HTT: variants seen among roughly 807,000 people sequenced by gnomAD.
The protein encoded by HTT is huntington disease protein.
In HTT, 104 loss-of-function variants were observed where a neutral mutation model predicts 362.3. The observed-to-expected ratio is 0.29, with a 90% CI of 0.24 to 0.34. HTT has a LOEUF of 0.34. Among genes scored for constraint, HTT ranks in the 10% least tolerant of loss-of-function variants. HTT has a pLI of 1.00. For synonymous variants in HTT, 1,577 were observed against 1,548.7 expected, an observed-to-expected ratio of 1.02 and a Z score of -0.43; for missense variants, 3,301 against 3,928.6, an observed-to-expected ratio of 0.84 and a Z score of 4.27.
In HTT at chr4:3,116,254, G is replaced by T. The variant is rs1255436861; in HGVS notation, c.1059G>T (p.Gln353His). 3.7e-6 allele frequency: 6 copies of T among 1,610,158 alleles called. No individual in the cohort carries two copies. Among genetic ancestry groups the T allele is most frequent in the Non-Finnish European group, 5.1e-6 (6 of 1,176,574 alleles). Residue 353 changes from glutamine to histidine, a missense_variant, in exon 8 of 67, where the codon CAG (glutamine) becomes CAT (histidine). This residue lies in a region of HTT where 2,316 missense variants were observed against 2,658.5 expected (regional missense o/e 0.87). Coordinates refer to ENST00000355072, the MANE Select transcript of HTT (RefSeq NM_001388492.1). ...TGGAAGTCTCTCCTTCTGCAGAGCA[G>T]CTTGTCCAGGTAGGAGCACAGGGTT... Reference protein sequence around the residue: ...KEMEVSPSAEQLVQVYELTLH... With the variant: ...KEMEVSPSAEHLVQVYELTLH...
At chr4:3,159,450 T>A (rs983042460) in intron 28 of HTT, among the ~76,000 whole-genome samples, 5 of 152,218 alleles carry the variant, frequency 3.3e-5, no homozygotes, top group African/African-American at 1.2e-4. Context: ...TCACATGACA[T>A]CACCACATCA....
In HTT at chr4:3,123,069, A is replaced by G. The variant is rs60340572; in HGVS notation, c.1321+133A>G. The G allele has an allele frequency of 4.3e-3, 2,348 of 548,124 alleles. 48 individuals are homozygous for G. The highest frequency in any genetic ancestry group is 0.04 in the African/African-American group (2,097 of 51,846). 34.0% of individuals were successfully genotyped at this position (548,124 alleles called of 1,614,324 possible). Reference sequence around the variant, plus strand: ...TATATCTCTTCTCAGATGAGTGATTATATGTGTGAATGTTGCTGGAATCTG... The same window carrying G: ...TATATCTCTTCTCAGATGAGTGATTGTATGTGTGAATGTTGCTGGAATCTG... On this transcript the variant is annotated intron_variant, in intron 10 of 66. Transcript: ENST00000355072.
intron 5 of HTT, 129 bp from the exon 6 acceptor site, chr4:3,107,156 C>G: frequency 1.2e-6 from 1 of 837,540 alleles, no homozygotes; most frequent in Non-Finnish European, 1.9e-6. Context: ...GTTCTTTCAG[C>G]TGAGTTTTCC....
intron 35 of HTT, among the ~76,000 whole-genome samples, chr4:3,179,922 A>T (rs1001776480): frequency 1.5e-4 from 22 of 151,144 alleles, no homozygotes; most frequent in Admixed American, 2.6e-4. Context: ...TGCTCATGAC[A>T]TTGAGGGTCA....
rs1213151280 is a variant in HTT, at chr4:3,218,834, C to T, written c.7242+882C>T. 2.0e-5 allele frequency among the ~76,000 whole-genome samples: 3 copies of T among 152,070 alleles called. No homozygotes were observed. The highest frequency in any genetic ancestry group is 4.4e-5 in the Non-Finnish European group (3 of 68,022). The stretch of plus-strand genomic sequence containing the variant: ...GCATCCTCAGGCAGGAAAGAAAGGC[C>T]GACCTGGCAGGGTGTGAGCCAGCAG... On this transcript the variant is annotated intron_variant, in intron 52 of 66. Coordinates refer to ENST00000355072, the MANE Select transcript of HTT (RefSeq NM_001388492.1). This position sits in a 1 kb window ranked among gnomAD's most constrained non-coding sequence, Gnocchi z 4.4.
rs529932015 is a variant in HTT, at chr4:3,175,030, T to C, written c.4330T>C (p.Leu1444=). Residue 1444 remains leucine, a synonymous_variant, in exon 33 of 67, where the codon TTA becomes CTA. Transcript: ENST00000355072. The part of the protein sequence containing the change: ...KQYTTTTCVQ[L]QKQVLDLLAQ... The stretch of plus-strand genomic sequence containing the variant: ...GTACACGACTACAACATGTGTGCAG[T>C]TACAGAAGCAGGTTTTAGATTTGCT... 1 of 1,614,028 alleles carries C rather than the reference T, an allele frequency of 6.2e-7. No homozygotes were observed. The highest frequency in any genetic ancestry group is 1.3e-5 in the African/African-American group (1 of 75,072).
At chr4:3,162,177 G>A (rs947774454) in intron 29 of HTT, among the ~76,000 whole-genome samples, 1 of 152,146 alleles carries the variant, frequency 6.6e-6, no homozygotes, top group South Asian at 2.1e-4. Flanking sequence ...TATTAAATAG[G>A]GAATCTTTTC....
At chr4:3,150,851 A>G (rs537909152) in intron 26 of HTT, among the ~76,000 whole-genome samples, 1 of 152,252 alleles carries the variant, frequency 6.6e-6, no homozygotes, top group East Asian at 1.9e-4. Context: ...TCCGGCTCAC[A>G]CGGTGAAACC....
chr4:3,137,637 T>G (rs1365841869), intron 21 of HTT, among the ~76,000 whole-genome samples: 2 of 152,224 alleles, frequency 1.3e-5, no homozygotes, highest in Non-Finnish European at 2.9e-5. Flanking sequence ...AGGCGGAGGT[T>G]GCAGTGAGCA....
Position 3,130,420 on chromosome 4 carries a change from C to G in HTT, c.1983C>G (p.Asn661Lys), listed in dbSNP as rs750792768. ...DEATEPGDQE[N>K]KPCRIKGDIG... ...CTACTGAACCGGGTGATCAAGAAAA[C>G]AAGGTGAGGGACATAGGCTTGAGAC... Residue 661 changes from asparagine to lysine, a missense_variant, in exon 14 of 67, where the codon AAC (asparagine) becomes AAG (lysine). By Grantham distance (94) the Asn-to-Lys change is moderately conservative. Transcript: ENST00000355072. The G allele has an allele frequency of 4.5e-6, 7 of 1,559,614 alleles. No individual in the cohort carries two copies. Among genetic ancestry groups the G allele is most frequent in the Non-Finnish European group, 6.2e-6 (7 of 1,136,026 alleles).
At chr4:3,103,472 C>G (rs1156428912) in intron 3 of HTT, among the ~76,000 whole-genome samples, 1 of 151,846 alleles carries the variant, frequency 6.6e-6, no homozygotes, top group African/African-American at 2.4e-5. Flanking sequence ...GTGATCTGCC[C>G]GCCTTGGCCT....
At chr4:3,125,717 G>C in intron 11 of HTT, 88 bp downstream of exon 11, 1 of 945,026 alleles carries the variant, frequency 1.1e-6, no homozygotes, top group Non-Finnish European at 1.7e-6. Flanking sequence ...TGCACCTGGT[G>C]GACAGCACGA....
intron 1 of HTT, among the ~76,000 whole-genome samples, chr4:3,085,021 A>G (rs1480932698): frequency 6.6e-6 from 1 of 151,968 alleles, no homozygotes; most frequent in Non-Finnish European, 1.5e-5. Context: ...CTCGGGGGAA[A>G]AAAAAAAATA....
At chr4:3,187,630 T>G in intron 38 of HTT, 21 bp from the exon 39 acceptor site, 1 of 1,557,738 alleles carries the variant, frequency 6.4e-7, no homozygotes, top group Non-Finnish European at 8.8e-7. Flanking sequence ...AGCTGTGACT[T>G]ATGTATTATG....
chr4:3,234,159 G>A (rs766336175), intron 61 of HTT, among the ~76,000 whole-genome samples: 2 of 152,248 alleles, frequency 1.3e-5, no homozygotes, highest in African/African-American at 4.8e-5. Context: ...GGAGGGAGAC[G>A]GGAAGGTCTC....
At position 3,186,641 on chromosome 4, in the gene HTT, A is replaced by T; in HGVS notation, c.4911A>T (p.Leu1637Phe). ...AAGCCCTTGGAGTGTTAAATACATT[A>T]TTTGAGATTTTGGCCCCTTCCTCCC... ...SHEALGVLNT[L>F]FEILAPSSLR... Residue 1637 changes from leucine to phenylalanine, a missense_variant, in exon 38 of 67, where the codon TTA becomes TTT. Around this residue, in one of 4 missense-constraint regions of HTT, gnomAD observed 2,316 missense variants for 2,658.5 expected, o/e 0.87. Coordinates refer to ENST00000355072, the MANE Select transcript of HTT (RefSeq NM_001388492.1). 6.2e-7 allele frequency: 1 copy of T among 1,613,594 alleles called. No homozygotes were observed. Among genetic ancestry groups the T allele is most frequent in the African/African-American group, 1.3e-5 (1 of 74,986 alleles).
At chr4:3,155,247 A>T (rs936666383) in intron 27 of HTT, among the ~76,000 whole-genome samples, 13 of 151,402 alleles carry the variant, frequency 8.6e-5, no homozygotes, top group African/African-American at 3.2e-4. Flanking sequence ...TTTGAGACAG[A>T]GTCTCACTCT....
At chr4:3,131,593 A>G (rs1400352453) in intron 15 of HTT, 45 bp from the exon 16 acceptor site, 9 of 1,605,368 alleles carry the variant, frequency 5.6e-6, no homozygotes, top group Admixed American at 1.7e-5. Flanking sequence ...TTTGAAAACA[A>G]TCTGTTGTTT....
rs187835735 is a variant in HTT, at chr4:3,143,689, C to T, written c.3066+803C>T. On this transcript the variant is annotated intron_variant, in intron 23 of 66. Transcript: ENST00000355072. The stretch of plus-strand genomic sequence containing the variant: ...CATGATCTCAGCTCACCACAACCTC[C>T]ACCTCCCGGGTTCAAGCAATTCTCC... Among the ~76,000 whole-genome samples the T allele has an allele frequency of 5.1e-3, 774 of 151,360 alleles. 6 individuals are homozygous for T. The highest frequency in any genetic ancestry group is 5.5e-3 in the Non-Finnish European group (373 of 67,850).
Sources: gnomAD v4.1 joint callset for allele counts (sites outside exome capture counted in the v4.1 genomes callset) on GRCh38, gnomAD v4.1.1 for gene constraint, gnomAD v4.1.1 regional missense constraint, Gnocchi (gnomAD v3.1) non-coding constraint, MANE v1.5 for transcripts, NCBI Gene and HGNC (gene_info 2026-07-23, HGNC 2026-07-21) for gene names.